The following MROH9 variants were observed in gnomAD, a reference collection of about 807,000 sequenced individuals.
The protein encoded by MROH9 is maestro heat like repeat family member 9.
A neutral mutation model predicts 98.2 loss-of-function variants in MROH9; 92 were observed. The ratio of observed to expected loss-of-function variants is 0.94; its 90% CI spans 0.79 to 1.11. MROH9 has a LOEUF of 1.11. MROH9 is among the 50% of genes most tolerant of loss of function. The pLI is 0.00. For synonymous variants in MROH9, 397 were observed against 368.9 expected (o/e 1.08, Z -0.87); for missense variants, 1,057 against 1,014.8 (o/e 1.04, Z -0.57).
intron 20 of MROH9, among the ~76,000 whole-genome samples, chr1:171,039,186 A>G (rs573425164): frequency 6.6e-6 from 1 of 152,318 alleles, no homozygotes; most frequent in East Asian, 1.9e-4. Context: ...GTGACTTTCA[A>G]AAAAACAGTT....
At chr1:170,948,159 A>T (rs1296270572) in intron 3 of MROH9, among the ~76,000 whole-genome samples, 2 of 152,010 alleles carry the variant, frequency 1.3e-5, no homozygotes, top group Admixed American at 1.3e-4. Flanking sequence ...ATTTTTCAAA[A>T]TTGTTTTAAA....
At chr1:171,000,055 T>C (rs1031786591) in intron 15 of MROH9, among the ~76,000 whole-genome samples, 11 of 152,162 alleles carry the variant, frequency 7.2e-5, no homozygotes, top group Admixed American at 6.5e-5. Flanking sequence ...ACTGATTTGT[T>C]TGAGTTCATT....
intron 5 of MROH9, among the ~76,000 whole-genome samples, chr1:170,959,811 G>A (rs1649945870): frequency 6.6e-6 from 1 of 152,196 alleles, no homozygotes; most frequent in Non-Finnish European, 1.5e-5. Flanking sequence ...GGAGCAAATA[G>A]GCGAAGATAT....
At chr1:170,975,952 G>A (rs1322096186) in intron 8 of MROH9, among the ~76,000 whole-genome samples, 1 of 151,806 alleles carries the variant, frequency 6.6e-6, no homozygotes, top group African/African-American at 2.4e-5. Flanking sequence ...AGTCTATTTT[G>A]CCTGAGATTA....
In MROH9 at chr1:170,989,885, C is replaced by CAATTGTGTGAT. The variant is rs1331584523; in HGVS notation, c.912_913insTTGTGTGATAA (p.Asn309CysfsTer7). On this transcript the variant is annotated frameshift_variant, in exon 11 of 22. Transcript: ENST00000367759. LOFTEE classifies it high-confidence loss of function. The stretch of plus-strand genomic sequence containing the variant: ...TAAGATCGTGGATGCTATTTACAGG[C>CAATTGTGTGAT]AACTGTGTGATAACAATTGTATGAA... 2.5e-6 allele frequency: 4 copies of CAATTGTGTGAT among 1,609,398 alleles called. No homozygotes were observed. The African/African-American group carries it at 5.3e-5, about 22-fold the overall frequency.
At chr1:170,947,652 G>A (rs1407834220) in intron 3 of MROH9, 79 bp downstream of exon 3, 15 of 1,241,862 alleles carry the variant, frequency 1.2e-5, no homozygotes, top group Middle Eastern at 1.9e-4. Flanking sequence ...CCATTACAAG[G>A]ATGTTACAAG....
chr1:171,026,359 C>G (rs1652714532), intron 20 of MROH9, among the ~76,000 whole-genome samples: 1 of 151,964 alleles, frequency 6.6e-6, no homozygotes, highest in African/African-American at 2.4e-5. Flanking sequence ...ACTGCAACCT[C>G]CACCTCCCAG....
intron 20 of MROH9, among the ~76,000 whole-genome samples, chr1:171,026,056 A>T (rs1367901204): frequency 1.3e-5 from 2 of 152,210 alleles, no homozygotes; most frequent in Non-Finnish European, 2.9e-5. Flanking sequence ...TAACAGGAAC[A>T]GCAAAGAATG....
intron 5 of MROH9, among the ~76,000 whole-genome samples, chr1:170,960,167 G>T (rs1425372669): frequency 6.6e-6 from 1 of 152,200 alleles, no homozygotes; most frequent in Non-Finnish European, 1.5e-5. Context: ...GTCTGCAATT[G>T]ATGCAAGGTG....
intron 20 of MROH9, among the ~76,000 whole-genome samples, chr1:171,036,138 T>G (rs74123660): frequency 0.038 from 5,736 of 152,202 alleles, 326 homozygotes; most frequent in African/African-American, 0.12. Flanking sequence ...GTACATATTG[T>G]ACAATTCCAT....
intron 15 of MROH9, among the ~76,000 whole-genome samples, chr1:171,005,816 A>G (rs1267535148): frequency 6.7e-6 from 1 of 149,494 alleles, no homozygotes; most frequent in African/African-American, 2.6e-5. Flanking sequence ...GCAGCACTTT[A>G]CACTTTTTCT....
At chr1:170,987,479 G>A (rs28722686) in intron 10 of MROH9, among the ~76,000 whole-genome samples, 19,578 of 152,072 alleles carry the variant, frequency 0.13, 1,339 homozygotes, top group Middle Eastern at 0.18. Flanking sequence ...TGCAGTGTTC[G>A]CCTTTCCTCC....
chr1:171,064,414 G>A lies in MROH9; in HGVS notation c.*74G>A, dbSNP rs988285967. ...CAATGTCTTGGAGCTGACCTTAGAAGAAGAATGATTTTTCTTTCCCTCCTG... is the reference window on the plus strand; with the variant it reads ...CAATGTCTTGGAGCTGACCTTAGAAAAAGAATGATTTTTCTTTCCCTCCTG... On this transcript the variant is annotated 3_prime_UTR_variant, in exon 22 of 22. Transcript: ENST00000367759. 4.3e-6 allele frequency: 6 copies of A among 1,400,080 alleles called. No homozygotes were observed. Among genetic ancestry groups the A allele is most frequent in the Non-Finnish European group, 3.8e-6 (4 of 1,064,988 alleles). The allele number at this position is 1,400,080 out of a possible 1,614,324, so 86.7% of individuals were successfully genotyped here. A position where few individuals can be genotyped will look rare whatever the true frequency, so the allele number is the denominator to read the frequency against.
At chr1:170,942,260 G>A (rs1370973324) in intron 1 of MROH9, among the ~76,000 whole-genome samples, 1 of 151,858 alleles carries the variant, frequency 6.6e-6, no homozygotes, top group East Asian at 1.9e-4. Context: ...TACGGGTCTA[G>A]AAGCAAAGAA....
intron 8 of MROH9, among the ~76,000 whole-genome samples, chr1:170,981,750 A>G (rs1650938763): frequency 6.6e-6 from 1 of 151,972 alleles, no homozygotes; most frequent in African/African-American, 2.4e-5. Context: ...AAATAAAAAA[A>G]AAAAACTCTC....
At position 170,972,995 on chromosome 1, in the gene MROH9, A is replaced by G. The variant is rs529704044; in HGVS notation, c.616+1112A>G. Among the ~76,000 whole-genome samples, 17 of 152,156 alleles carry G rather than the reference A, an allele frequency of 1.1e-4. No homozygotes were observed. In the South Asian group the frequency reaches 3.5e-3, roughly 32 times the overall value. ...AGTACATTTCTAAGAGCCAACACAA[A>G]AAGAGATAAGCCAGTGGTCTCATCA... On this transcript the variant is annotated intron_variant, in intron 8 of 21. Coordinates refer to ENST00000367759, the MANE Select transcript of MROH9 (RefSeq NM_001163629.2).
intron 20 of MROH9, among the ~76,000 whole-genome samples, chr1:171,039,015 CT>C (rs1003761468): frequency 4.5e-4 from 69 of 152,264 alleles, no homozygotes; most frequent in African/African-American, 1.7e-3. Flanking sequence ...ATCAGCTTCA[CT>C]TGTGGATGAA....
chr1:171,045,110 T>TCCCGCCTC (rs890637389), intron 20 of MROH9, among the ~76,000 whole-genome samples: 3 of 147,794 alleles, frequency 2.0e-5, no homozygotes, highest in African/African-American at 7.4e-5. Context: ...CACGCCATTC[T>TCCCGCCTC]CCCGCCTCAG....
chr1:170,982,798 G>T (rs1363260228), intron 8 of MROH9, among the ~76,000 whole-genome samples: 2 of 152,108 alleles, frequency 1.3e-5, no homozygotes, highest in East Asian at 1.9e-4. Flanking sequence ...GGGAGGCTGA[G>T]GTGAGAAGAT....
Sources: allele counts gnomAD v4.1 joint callset (sites outside exome capture counted in the v4.1 genomes callset), GRCh38; gene constraint gnomAD v4.1.1; transcripts MANE v1.5; gene names NCBI Gene and HGNC (gene_info 2026-07-23, HGNC 2026-07-21).